Variants in SPTLC2 observed in about 807,000 individuals in gnomAD.
SPTLC2 encodes serine palmitoyltransferase long chain base subunit 2, also known as serine palmitoyltransferase 2.
A neutral mutation model predicts 62.0 loss-of-function variants in SPTLC2; 21 were observed. The observed-to-expected ratio is 0.34, with a 90% CI of 0.24 to 0.49. SPTLC2 has a LOEUF of 0.49. Among genes scored for constraint, SPTLC2 ranks in the 20% least tolerant of loss-of-function variants. The pLI, the probability that SPTLC2 is intolerant of heterozygous loss-of-function variation, is 0.99. For missense variants in SPTLC2, 511 were observed against 713.0 expected (o/e 0.72, Z 3.23); for synonymous variants, 261 against 261.8 (o/e 1.00, Z 0.03).
chr14:77,509,963 C>CA lies in SPTLC2; in HGVS notation c.*2320dup. The CA allele has an allele frequency of 2.5e-6, 1 of 398,366 alleles. No homozygotes were observed. The allele number at this position is 398,366 out of a possible 1,614,324, so 24.7% of individuals were successfully genotyped here. A position where few individuals can be genotyped will look rare whatever the true frequency, so the allele number is the denominator to read the frequency against. On this transcript the variant is annotated 3_prime_UTR_variant, in exon 12 of 12. Coordinates refer to ENST00000216484, the MANE Select transcript of SPTLC2 (RefSeq NM_004863.4). ...ATGCAAGCCAAAATAAAAAGACTAG[C>CA]AGGTAAGTTCATTGCTTATAAGTTT...
chr14:77,615,774 T>C (rs943319672), intron 1 of SPTLC2, among the ~76,000 whole-genome samples: 22 of 152,234 alleles, frequency 1.4e-4, no homozygotes, highest in African/African-American at 4.3e-4. Context: ...CCTTGTGTGA[T>C]AGCACTCGTG....
intron 9 of SPTLC2, among the ~76,000 whole-genome samples, chr14:77,526,542 T>G (rs929515604): frequency 6.6e-6 from 1 of 152,306 alleles, no homozygotes; most frequent in African/African-American, 2.4e-5. Context: ...AACTTAACTG[T>G]GTGGCTGTCC....
chr14:77,511,420 A>G lies in SPTLC2; in HGVS notation c.*864T>C, dbSNP rs962004139. 9.2e-5 allele frequency: 14 copies of G among 152,174 alleles called. No individual in the cohort carries two copies. The highest frequency in any genetic ancestry group is 3.1e-4 in the African/African-American group (13 of 41,394). The allele number at this position is 152,174 out of a possible 1,614,324, so 9.4% of individuals were successfully genotyped here. ...CACACTGCCACTGCCCCTGCCCCTC[A>G]CCCACCAGGAGTGCACATCACTCTA... On this transcript the variant is annotated 3_prime_UTR_variant, in exon 12 of 12. Coordinates refer to ENST00000216484, the MANE Select transcript of SPTLC2 (RefSeq NM_004863.4).
At chr14:77,600,154 A>T (rs2079869500) in intron 1 of SPTLC2, among the ~76,000 whole-genome samples, 1 of 152,168 alleles carries the variant, frequency 6.6e-6, no homozygotes, top group Non-Finnish European at 1.5e-5. Flanking sequence ...GTCAATTCAT[A>T]CTGTAGGCTG....
intron 9 of SPTLC2, among the ~76,000 whole-genome samples, chr14:77,536,680 C>T (rs1441448765): frequency 1.3e-5 from 2 of 151,834 alleles, no homozygotes; most frequent in South Asian, 2.1e-4. Context: ...CAAAGCCACA[C>T]TTTTCTATGT....
At chr14:77,563,835 T>C (rs1186295690) in intron 5 of SPTLC2, among the ~76,000 whole-genome samples, 1 of 152,240 alleles carries the variant, frequency 6.6e-6, no homozygotes, top group African/African-American at 2.4e-5. Flanking sequence ...ACATGCTTAT[T>C]TATTACAGAA....
At position 77,523,573 on chromosome 14, in the gene SPTLC2, G is replaced by A. The variant is rs2079394988; in HGVS notation, c.1304-1992C>T. Among the ~76,000 whole-genome samples, 5 of 152,316 alleles carry A rather than the reference G, an allele frequency of 3.3e-5. No individual in the cohort carries two copies. The South Asian group carries it at 1.0e-3, about 32-fold the overall frequency. On this transcript the variant is annotated intron_variant, in intron 9 of 11. Coordinates refer to ENST00000216484, the MANE Select transcript of SPTLC2 (RefSeq NM_004863.4). The stretch of plus-strand genomic sequence containing the variant: ...TTTCTATACGCATGAAAAGAAACTA[G>A]CAGAGGCTGGGGAAAAGATCCATCA...
At chr14:77,531,580 C>A (rs1371215373) in intron 9 of SPTLC2, among the ~76,000 whole-genome samples, 1 of 149,796 alleles carries the variant, frequency 6.7e-6, no homozygotes, top group Non-Finnish European at 1.5e-5. Context: ...ATGGCACAAT[C>A]TCGGTCCACC....
At position 77,607,981 on chromosome 14, in the gene SPTLC2, CAGAGG is replaced by C. The variant is rs1363645933; in HGVS notation, c.132+8462_132+8466del. On this transcript the variant is annotated intron_variant, in intron 1 of 11. Coordinates refer to ENST00000216484, the MANE Select transcript of SPTLC2 (RefSeq NM_004863.4). ...ATTTGAAATCAATGTGAGAAAAGAG[CAGAGG>C]AAAGAGCTGACACGTTTCCCCTTCC... Among the ~76,000 whole-genome samples, 4 of 152,182 alleles carry C rather than the reference CAGAGG, an allele frequency of 2.6e-5. No individual in the cohort carries two copies. The East Asian group carries it at 7.7e-4, about 29-fold the overall frequency.
intron 2 of SPTLC2, among the ~76,000 whole-genome samples, chr14:77,591,488 T>C (rs756316776): frequency 8.5e-5 from 13 of 152,224 alleles, no homozygotes; most frequent in Non-Finnish European, 1.6e-4. Flanking sequence ...GATATGTCAA[T>C]TATTTAAAAA....
chr14:77,526,907 G>C (rs2139998181), intron 9 of SPTLC2, among the ~76,000 whole-genome samples: 1 of 150,476 alleles, frequency 6.6e-6, no homozygotes, highest in African/African-American at 2.4e-5. Context: ...CCATTCTCCT[G>C]CCTCAGACTC....
At position 77,507,927 on chromosome 14, in the gene SPTLC2, GC is replaced by G. The variant is rs2079313833; in HGVS notation, c.*4356del. ...TTCTTAGATGGGGTCTTGCTGTGTT[GC>G]CCAGGCTACGCTCAAATTCTTGGGT... On this transcript the variant is annotated 3_prime_UTR_variant, in exon 12 of 12. Coordinates refer to ENST00000216484, the MANE Select transcript of SPTLC2 (RefSeq NM_004863.4). 6.6e-6 allele frequency: 1 copy of G among 152,222 alleles called. No individual in the cohort carries two copies. The highest frequency in any genetic ancestry group is 2.4e-5 in the African/African-American group (1 of 41,450). 9.4% of individuals were successfully genotyped at this position (152,222 alleles called of 1,614,324 possible). A position where few individuals can be genotyped will look rare whatever the true frequency, so the allele number is the denominator to read the frequency against.
At chr14:77,566,982 T>C (rs964137148) in intron 5 of SPTLC2, among the ~76,000 whole-genome samples, 1 of 152,160 alleles carries the variant, frequency 6.6e-6, no homozygotes, top group South Asian at 2.1e-4. Flanking sequence ...ATAAATCTTT[T>C]TTTTTTGAGA....
chr14:77,571,786 T>C (rs1321677943), intron 4 of SPTLC2, among the ~76,000 whole-genome samples: 1 of 152,006 alleles, frequency 6.6e-6, no homozygotes, highest in Admixed American at 6.6e-5. Context: ...GATAATACGT[T>C]TGAGCTTTTT....
intron 9 of SPTLC2, among the ~76,000 whole-genome samples, chr14:77,546,505 A>G (rs2079528465): frequency 6.6e-6 from 1 of 152,076 alleles, no homozygotes; most frequent in Non-Finnish European, 1.5e-5. Flanking sequence ...GTGAAGGAGG[A>G]GGTTGTAGAA....
chr14:77,571,103 C>A (rs1481003281), intron 4 of SPTLC2, among the ~76,000 whole-genome samples: 9 of 152,202 alleles, frequency 5.9e-5, no homozygotes. Flanking sequence ...CCACATGGAG[C>A]TAAGATAACA....
chr14:77,565,348 C>T (rs543839001), intron 5 of SPTLC2, among the ~76,000 whole-genome samples: 1 of 150,506 alleles, frequency 6.6e-6, no homozygotes, highest in African/African-American at 2.4e-5. Flanking sequence ...ATCCAAAATG[C>T]TATATACAGT....
At chr14:77,540,323 T>C (rs2079494371) in intron 9 of SPTLC2, among the ~76,000 whole-genome samples, 3 of 151,680 alleles carry the variant, frequency 2.0e-5, no homozygotes, top group African/African-American at 7.3e-5. Context: ...AAAAATGTAA[T>C]GGACAGAGTT....
At chr14:77,606,158 T>C (rs776779560) in intron 1 of SPTLC2, among the ~76,000 whole-genome samples, 1 of 152,106 alleles carries the variant, frequency 6.6e-6, no homozygotes, top group Admixed American at 6.5e-5. Context: ...GGTGAAACCC[T>C]CTCTCTACTG....
Sources: allele counts gnomAD v4.1 joint callset (sites outside exome capture counted in the v4.1 genomes callset), GRCh38; gene constraint gnomAD v4.1.1; transcripts MANE v1.5; gene names NCBI Gene and HGNC (gene_info 2026-07-23, HGNC 2026-07-21).